Variants in NPHP4 observed in about 807,000 individuals in gnomAD.
NPHP4 encodes nephrocystin 4, also known as nephrocystin-4.
Under a neutral mutation model 155.8 loss-of-function variants are expected in NPHP4, and 151 were observed. The ratio of observed to expected loss-of-function variants is 0.97; its 90% confidence interval spans 0.85 to 1.11. The LOEUF (loss-of-function observed/expected upper bound fraction) is 1.11, where lower values mean the gene tolerates loss of function less well. Ranked by LOEUF, NPHP4 falls within the 50% of genes least tolerant of loss-of-function variation. The pLI is 0.00. For synonymous variants in NPHP4, 845 were observed against 816.8 expected (o/e 1.03, Z -0.59); for missense variants, 1,956 against 1,925.7 (o/e 1.02, Z -0.29).
intron 9 of NPHP4, among the ~76,000 whole-genome samples, 192 bp from the exon 10 acceptor site, chr1:5,933,521 G>A (rs1646386129): frequency 6.6e-6 from 1 of 152,172 alleles, no homozygotes; most frequent in African/African-American, 2.4e-5. Flanking sequence ...AGACAGTAGG[G>A]CACAGATAGT....
chr1:5,905,356 G>C lies in NPHP4; in HGVS notation c.1891C>G (p.Gln631Glu), dbSNP rs1301901109. 6.2e-7 allele frequency: 1 copy of C among 1,613,912 alleles called. No individual in the cohort carries two copies. Among genetic ancestry groups the C allele is most frequent in the South Asian group, 1.1e-5 (1 of 91,080 alleles). The change falls in exon 15 of 30, where the codon CAG (glutamine) becomes GAG (glutamate). Residue 631 changes from glutamine (Q) to glutamate (E), a missense_variant. Coordinates refer to ENST00000378156, the MANE Select transcript of NPHP4 (RefSeq NM_015102.5). The surrounding 1 kb of genome is among the most constrained non-coding windows in gnomAD (Gnocchi z 4.0). Reference sequence around the variant, plus strand: ...TGTAGACAATCTGATTCTTCCTTCTGAGGGTTAAACGTCACAGGTTCTGTA... The same window carrying C: ...TGTAGACAATCTGATTCTTCCTTCTCAGGGTTAAACGTCACAGGTTCTGTA... The part of the protein sequence containing the change: ...SATEPVTFNP[Q>E]KEESDCLQSN...
intron 9 of NPHP4, among the ~76,000 whole-genome samples, chr1:5,936,717 G>A (rs371517972): frequency 7.9e-5 from 12 of 152,218 alleles, no homozygotes; most frequent in South Asian, 6.2e-4. Flanking sequence ...ACGCAAAGCC[G>A]CTCACAGAAA....
chr1:5,955,820 A>G (rs1044345196), intron 6 of NPHP4, among the ~76,000 whole-genome samples: 32 of 152,180 alleles, frequency 2.1e-4, no homozygotes, highest in Non-Finnish European at 2.4e-4. Context: ...ACAGCAGGGT[A>G]ATGACGGTTA....
intron 9 of NPHP4, among the ~76,000 whole-genome samples, chr1:5,935,860 G>A (rs1052200510): frequency 1.3e-5 from 2 of 152,190 alleles, no homozygotes; most frequent in Admixed American, 6.5e-5. Flanking sequence ...GGGCGACAGA[G>A]TGAGACTCCA....
intron 23 of NPHP4, among the ~76,000 whole-genome samples, chr1:5,869,630 T>C (rs1296293758): frequency 6.6e-6 from 1 of 152,196 alleles, no homozygotes; most frequent in African/African-American, 2.4e-5. Flanking sequence ...ACAAAGGACC[T>C]AAAGACAAAT....
chr1:5,912,233 G>A (rs1186511787), intron 11 of NPHP4, among the ~76,000 whole-genome samples: 7 of 152,184 alleles, frequency 4.6e-5, no homozygotes, highest in East Asian at 1.9e-4. Context: ...GAAGGCAGCC[G>A]CGGCAAGTTA....
chr1:5,875,216 C>T (rs1029402014), intron 20 of NPHP4, 116 bp from the exon 21 acceptor site: 19 of 802,890 alleles, frequency 2.4e-5, no homozygotes, highest in Middle Eastern at 3.4e-4. Context: ...CCACAAGCAT[C>T]GCCACCACCA....
At chr1:5,931,196 T>C (rs1646253153) in intron 10 of NPHP4, among the ~76,000 whole-genome samples, 1 of 152,172 alleles carries the variant, frequency 6.6e-6, no homozygotes, top group Non-Finnish European at 1.5e-5. Context: ...GGGCTTTGTC[T>C]TTCATTAAGC....
chr1:5,966,663 G>C (rs60269563), intron 5 of NPHP4, among the ~76,000 whole-genome samples: 2,261 of 152,140 alleles, frequency 0.015, 56 homozygotes, highest in African/African-American at 0.052. Context: ...TCCACCTCCG[G>C]CCACTCTTCC....
intron 10 of NPHP4, among the ~76,000 whole-genome samples, chr1:5,932,029 G>A (rs1240110245): frequency 4.0e-5 from 6 of 151,696 alleles, no homozygotes; most frequent in South Asian, 2.1e-4. Flanking sequence ...AACTATGATC[G>A]TGCCACGCAC....
chr1:5,907,847 A>G (rs1163380015), intron 12 of NPHP4, among the ~76,000 whole-genome samples: 1 of 152,202 alleles, frequency 6.6e-6, no homozygotes, highest in African/African-American at 2.4e-5. Flanking sequence ...TTAAATGACA[A>G]TCCTGGCTAG....
In NPHP4 at chr1:5,910,446, C is replaced by T. The variant is rs1238690887; in HGVS notation, c.1442-1233G>A. On this transcript the variant is annotated intron_variant, in intron 11 of 29. Coordinates refer to ENST00000378156, the MANE Select transcript of NPHP4 (RefSeq NM_015102.5). The surrounding 1 kb of genome is among the most constrained non-coding windows in gnomAD (Gnocchi z 5.4). ...ACCCCCATGTGGCCCACATCTTGGG[C>T]CCAGCAGCTCGCCTTCCCTCCCTCT... 1.3e-5 allele frequency among the ~76,000 whole-genome samples: 2 copies of T among 152,180 alleles called. No individual in the cohort carries two copies. The highest frequency in any genetic ancestry group is 2.9e-5 in the Non-Finnish European group (2 of 68,034).
intron 2 of NPHP4, among the ~76,000 whole-genome samples, chr1:5,982,420 C>A (rs564624677): frequency 2.0e-5 from 3 of 152,358 alleles, no homozygotes; most frequent in African/African-American, 4.8e-5. Flanking sequence ...AGGTGTGAGG[C>A]AGGCTCTACC....
chr1:5,966,637 C>T (rs1322256362), intron 5 of NPHP4, among the ~76,000 whole-genome samples: 1 of 152,118 alleles, frequency 6.6e-6, no homozygotes, highest in Non-Finnish European at 1.5e-5. Context: ...ACAGAAAAGT[C>T]ACCCTCCCCA....
chr1:5,907,010 G>T, intron 13 of NPHP4, 105 bp downstream of exon 13: 1 of 561,104 alleles, frequency 1.8e-6, no homozygotes, highest in Non-Finnish European at 3.0e-6. Context: ...ACCCGCCAAG[G>T]TCTCTGCCAC....
chr1:5,866,112 C>A, intron 26 of NPHP4: 1 of 530,402 alleles, frequency 1.9e-6, no homozygotes, highest in Non-Finnish European at 3.4e-6. Context: ...TATCTGGGGA[C>A]AGAGGCTGAC....
intron 9 of NPHP4, among the ~76,000 whole-genome samples, chr1:5,938,871 G>A (rs762846514): frequency 6.6e-6 from 1 of 152,070 alleles, no homozygotes; most frequent in Non-Finnish European, 1.5e-5. Flanking sequence ...ACGAATCTTC[G>A]GCCAACAACT....
At chr1:5,976,893 A>G (rs974314507) in intron 3 of NPHP4, among the ~76,000 whole-genome samples, 2 of 152,120 alleles carry the variant, frequency 1.3e-5, no homozygotes, top group Admixed American at 6.5e-5. Flanking sequence ...GCAGGCCCCC[A>G]TGGGAAAGGC....
At position 5,907,191 on chromosome 1, in the gene NPHP4, C is replaced by T. The variant is rs745851401; in HGVS notation, c.1535G>A (p.Arg512Gln). The T allele has an allele frequency of 1.7e-5, 27 of 1,585,696 alleles. No individual in the cohort carries two copies. The highest frequency in any genetic ancestry group is 8.1e-5 in the African/African-American group (6 of 74,240). Reference protein sequence around the residue: ...LSISQLAASPRSPTQHCLARP... With the variant: ...LSISQLAASPQSPTQHCLARP... Reference sequence around the variant, plus strand: ...GGCCAAGCAGTGCTGAGTCGGGGACCGCGGGGAGGCCGCCAGCTGGGAAAT... The same window carrying T: ...GGCCAAGCAGTGCTGAGTCGGGGACTGCGGGGAGGCCGCCAGCTGGGAAAT... The change falls in exon 13 of 30, where the codon CGG (arginine) becomes CAG (glutamine). Residue 512 changes from arginine to glutamine, a missense_variant. Arg to Gln is a conservative substitution (Grantham distance 43). Transcript: ENST00000378156.
Sources: allele counts gnomAD v4.1 joint callset (sites outside exome capture counted in the v4.1 genomes callset), GRCh38; gene constraint gnomAD v4.1.1; non-coding constraint Gnocchi (gnomAD v3.1); transcripts MANE v1.5; gene names NCBI Gene and HGNC (gene_info 2026-07-23, HGNC 2026-07-21).